Variants in CSMD1 observed in about 807,000 individuals in gnomAD.
The protein encoded by CSMD1 is CUB and Sushi multiple domains 1, also known as CUB and sushi domain-containing protein 1.
A neutral mutation model predicts 417.5 loss-of-function variants in CSMD1; 213 were observed. That is an observed-to-expected ratio of 0.51 (90% CI 0.46 to 0.57). The LOEUF is 0.57. CSMD1 is among the 20% of genes least tolerant of loss of function. CSMD1 has a pLI of 0.00. For missense variants in CSMD1, 6,923 were observed against 4,529.7 expected (o/e 1.53, Z -15.17); for synonymous variants, 2,862 against 1,736.8 (o/e 1.65, Z -16.11).
chr8:3,499,656 G>C (rs1796512628), intron 10 of CSMD1, among the ~76,000 whole-genome samples: 1 of 152,042 alleles, frequency 6.6e-6, no homozygotes, highest in African/African-American at 2.4e-5. Context: ...TGTCTTGAGA[G>C]TGGCCTCCCG....
intron 1 of CSMD1, among the ~76,000 whole-genome samples, chr8:4,698,961 AC>A (rs1365801035): frequency 2.0e-5 from 3 of 151,740 alleles, no homozygotes; most frequent in Non-Finnish European, 4.4e-5. Context: ...CGTCGAACGA[AC>A]ACGTCAGGAT....
At chr8:2,984,685 C>A (rs987815301) in intron 54 of CSMD1, among the ~76,000 whole-genome samples, 1 of 152,122 alleles carries the variant, frequency 6.6e-6, no homozygotes, top group African/African-American at 2.4e-5. Flanking sequence ...GAACGGCCAG[C>A]GAAGATGAGC....
At chr8:4,054,473 C>G (rs1279086954) in intron 3 of CSMD1, among the ~76,000 whole-genome samples, 2 of 152,158 alleles carry the variant, frequency 1.3e-5, no homozygotes. Context: ...GCAAGAACGA[C>G]TGCATTTTGG....
At chr8:3,366,780 G>C (rs149146158) in intron 20 of CSMD1, among the ~76,000 whole-genome samples, 17 of 152,316 alleles carry the variant, frequency 1.1e-4, no homozygotes, top group Admixed American at 2.0e-4. Context: ...GACATCTACA[G>C]ATTTTTCAAA....
intron 9 of CSMD1, among the ~76,000 whole-genome samples, chr8:3,580,119 TAAAA>T (rs1800320158): frequency 1.3e-5 from 2 of 150,370 alleles, no homozygotes; most frequent in East Asian, 2.0e-4. Flanking sequence ...GAAAAGAAAA[TAAAA>T]AGAAAGAAAA....
chr8:3,185,927 G>A (rs563849778), intron 36 of CSMD1, among the ~76,000 whole-genome samples: 2 of 151,908 alleles, frequency 1.3e-5, no homozygotes, highest in East Asian at 1.9e-4. Context: ...CATGGCTCCC[G>A]TGACTTGAAG....
At chr8:3,954,371 T>C (rs1811790399) in intron 5 of CSMD1, among the ~76,000 whole-genome samples, 1 of 150,398 alleles carries the variant, frequency 6.6e-6, no homozygotes, top group Non-Finnish European at 1.5e-5. Flanking sequence ...AGGACTTTTT[T>C]TTCTTTTTTG....
intron 1 of CSMD1, among the ~76,000 whole-genome samples, chr8:4,975,475 C>A (rs578162052): frequency 3.7e-4 from 56 of 152,250 alleles, no homozygotes; most frequent in African/African-American, 1.2e-3. Flanking sequence ...CCACTAAAAA[C>A]AGAAGTCAAG....
At chr8:3,126,883 G>C (rs1463255919) in intron 41 of CSMD1, among the ~76,000 whole-genome samples, 2 of 152,136 alleles carry the variant, frequency 1.3e-5, no homozygotes, top group South Asian at 2.1e-4. Flanking sequence ...CATTGCAAGA[G>C]AGGCTTGCAG....
intron 54 of CSMD1, among the ~76,000 whole-genome samples, chr8:2,993,152 C>G (rs113264320): frequency 0.019 from 2,905 of 152,290 alleles, 36 homozygotes; most frequent in Middle Eastern, 0.1. Context: ...TTAAAAACTG[C>G]TTCCCTTTAT....
intron 1 of CSMD1, among the ~76,000 whole-genome samples, chr8:4,811,874 C>T (rs1383985791): frequency 1.3e-5 from 2 of 152,046 alleles, no homozygotes; most frequent in Non-Finnish European, 2.9e-5. Flanking sequence ...ACAGCTGCCT[C>T]AAATCATAGA....
chr8:3,523,118 T>A (rs1016129594), intron 10 of CSMD1, among the ~76,000 whole-genome samples: 1 of 151,858 alleles, frequency 6.6e-6, no homozygotes, highest in African/African-American at 2.4e-5. Flanking sequence ...ATCTGCACAT[T>A]TTTCCTAAAC....
At chr8:3,966,753 A>G (rs529579117) in intron 5 of CSMD1, among the ~76,000 whole-genome samples, 3,108 of 150,566 alleles carry the variant, frequency 0.021, 90 homozygotes, top group African/African-American at 0.066. Flanking sequence ...ACACACACAC[A>G]CGCGCGCGCG....
Position 3,213,842 on chromosome 8 carries a change from G to T in CSMD1, c.4867+655C>A, listed in dbSNP as rs542563967. On this transcript the variant is annotated intron_variant, in intron 30 of 69. Transcript: ENST00000635120. ...TATGTGTGTCTGTGTATGTGTGTGT[G>T]TGTATATACATACACATATATATAT... 5.7e-5 allele frequency among the ~76,000 whole-genome samples: 8 copies of T among 141,224 alleles called. 1 individual carries two copies. The East Asian group carries it at 1.7e-3, about 29-fold the overall frequency. The allele number at this position is 141,224 out of a possible 152,430, so 92.6% of individuals were successfully genotyped here.
chr8:4,473,596 G>C (rs1294236927), intron 2 of CSMD1, among the ~76,000 whole-genome samples: 2 of 152,166 alleles, frequency 1.3e-5, no homozygotes, highest in Non-Finnish European at 2.9e-5. Context: ...ATACGGACAA[G>C]ATGACATTGT....
chr8:3,806,346 T>G (rs1026950587), intron 5 of CSMD1, among the ~76,000 whole-genome samples: 1 of 152,120 alleles, frequency 6.6e-6, no homozygotes, highest in African/African-American at 2.4e-5. Flanking sequence ...ACCAAGTATA[T>G]AGAAATGAAA....
At chr8:3,993,305 G>C (rs1000322038) in intron 5 of CSMD1, among the ~76,000 whole-genome samples, 6 of 152,212 alleles carry the variant, frequency 3.9e-5, no homozygotes, top group East Asian at 1.9e-4. Flanking sequence ...GGGCACGTGA[G>C]AGAAGGATTG....
At chr8:3,750,700 A>T (rs1797295842) in intron 6 of CSMD1, among the ~76,000 whole-genome samples, 1 of 152,142 alleles carries the variant, frequency 6.6e-6, no homozygotes, top group Admixed American at 6.5e-5. Flanking sequence ...CTGAAGGAAC[A>T]AACTTGATGA....
chr8:4,154,225 G>A (rs1796712564), intron 3 of CSMD1, among the ~76,000 whole-genome samples: 2 of 152,092 alleles, frequency 1.3e-5, no homozygotes, highest in African/African-American at 2.4e-5. Context: ...CAAGGTTAGT[G>A]TAAGCATACA....
Sources: gnomAD v4.1 joint callset for allele counts (sites outside exome capture counted in the v4.1 genomes callset) on GRCh38, gnomAD v4.1.1 for gene constraint, MANE v1.5 for transcripts, NCBI Gene and HGNC (gene_info 2026-07-23, HGNC 2026-07-21) for gene names.